The following SNTG2 variants were observed in gnomAD, a reference collection of about 807,000 sequenced individuals.
SNTG2 encodes the protein syntrophin gamma 2.
A neutral mutation model predicts 70.9 loss-of-function variants in SNTG2; 74 were observed. That is an observed-to-expected ratio of 1.04 (90% CI 0.86 to 1.27). The LOEUF (loss-of-function observed/expected upper bound fraction) is 1.27. Ranked by LOEUF, SNTG2 falls within the 50% of genes most tolerant of loss-of-function variation. The pLI, the probability that SNTG2 is intolerant of heterozygous loss-of-function variation, is 0.00. For synonymous variants in SNTG2, 278 were observed against 273.8 expected (o/e 1.02, Z -0.15); for missense variants, 717 against 690.7 (o/e 1.04, Z -0.43).
chr2:1,091,512 C>T (rs149827550), intron 2 of SNTG2, among the ~76,000 whole-genome samples: 169 of 152,242 alleles, frequency 1.1e-3, no homozygotes, highest in Admixed American at 2.4e-3. Flanking sequence ...TCATGGCGGC[C>T]GGGGGCCTGG....
chr2:997,144 CAG>C (rs1238572880), intron 1 of SNTG2, among the ~76,000 whole-genome samples: 2 of 152,108 alleles, frequency 1.3e-5, no homozygotes, highest in Non-Finnish European at 2.9e-5. Flanking sequence ...CACAAATAAA[CAG>C]AATAATTTTA....
chr2:1,349,519 G>A (rs961188254), intron 16 of SNTG2, among the ~76,000 whole-genome samples: 1 of 152,204 alleles, frequency 6.6e-6, no homozygotes, highest in Admixed American at 6.5e-5. Context: ...GGGTAGCTTT[G>A]GGAAGGGGCT....
intron 14 of SNTG2, among the ~76,000 whole-genome samples, chr2:1,294,100 A>C (rs1035282618): frequency 2.6e-5 from 4 of 152,186 alleles, no homozygotes; most frequent in African/African-American, 9.7e-5. Context: ...ATACCCCTGC[A>C]ATCTCACCCT....
At chr2:1,093,029 G>T (rs1313967488) in intron 2 of SNTG2, among the ~76,000 whole-genome samples, 2 of 152,190 alleles carry the variant, frequency 1.3e-5, no homozygotes, top group African/African-American at 2.4e-5. Flanking sequence ...TTCTGTAGAA[G>T]TTTTATGATA....
At chr2:1,035,789 T>A (rs1333383242) in intron 1 of SNTG2, among the ~76,000 whole-genome samples, 1 of 152,224 alleles carries the variant, frequency 6.6e-6, no homozygotes, top group African/African-American at 2.4e-5. Flanking sequence ...TATTTGCATT[T>A]ATCTTCAGTG....
At chr2:1,177,679 A>T (rs1320621285) in intron 8 of SNTG2, among the ~76,000 whole-genome samples, 1 of 148,236 alleles carries the variant, frequency 6.7e-6, no homozygotes, top group African/African-American at 2.6e-5. Flanking sequence ...AAAAGAAAAA[A>T]ATAATATATT....
intron 12 of SNTG2, among the ~76,000 whole-genome samples, chr2:1,255,545 C>A (rs1303826471): frequency 6.6e-6 from 1 of 151,918 alleles, no homozygotes; most frequent in Non-Finnish European, 1.5e-5. Context: ...CAATAAATTG[C>A]TTAAAAATAA....
chr2:1,195,316 T>C (rs982970936), intron 8 of SNTG2, among the ~76,000 whole-genome samples: 2 of 152,112 alleles, frequency 1.3e-5, no homozygotes, highest in African/African-American at 4.8e-5. Flanking sequence ...GTCTTCACAA[T>C]GGTTGAACTA....
At chr2:1,236,863 T>A (rs1676693827) in intron 9 of SNTG2, among the ~76,000 whole-genome samples, 1 of 152,244 alleles carries the variant, frequency 6.6e-6, no homozygotes, top group Admixed American at 6.5e-5. Context: ...ATGTTTGCTT[T>A]GTTCTGTATT....
At chr2:1,149,191 ACG>A (rs552772456) in intron 6 of SNTG2, among the ~76,000 whole-genome samples, 141,748 of 151,716 alleles carry the variant, frequency 0.93, 66,329 homozygotes, top group Non-Finnish European at 0.97. Flanking sequence ...TTCTTGTCGG[ACG>A]TGTGTGTGTG....
At chr2:1,235,969 T>C (rs1241651538) in intron 9 of SNTG2, among the ~76,000 whole-genome samples, 4 of 152,142 alleles carry the variant, frequency 2.6e-5, no homozygotes, top group Admixed American at 6.5e-5. Flanking sequence ...GTCCTGTAGC[T>C]CAATGTAAAA....
At chr2:1,019,096 G>T (rs951603072) in intron 1 of SNTG2, among the ~76,000 whole-genome samples, 4 of 152,220 alleles carry the variant, frequency 2.6e-5, no homozygotes, top group African/African-American at 9.6e-5. Context: ...GCTGTGGAGG[G>T]TGTGAGTTGT....
At chr2:1,276,991 T>C (rs544322648) in intron 14 of SNTG2, among the ~76,000 whole-genome samples, 93 of 152,192 alleles carry the variant, frequency 6.1e-4, no homozygotes, top group Non-Finnish European at 1.0e-3. Context: ...CTGAAGATGA[T>C]TGAATTGCTG....
chr2:1,028,568 C>T (rs1172201286), intron 1 of SNTG2, among the ~76,000 whole-genome samples: 1 of 152,172 alleles, frequency 6.6e-6, no homozygotes, highest in African/African-American at 2.4e-5. Context: ...CAAACCTTCT[C>T]AGCTTTCTCT....
intron 14 of SNTG2, among the ~76,000 whole-genome samples, chr2:1,280,251 A>G (rs1412797886): frequency 6.6e-6 from 1 of 152,212 alleles, no homozygotes; most frequent in Non-Finnish European, 1.5e-5. Flanking sequence ...GAGTAGATTT[A>G]TGGGGTCATT....
chr2:1,057,532 G>C (rs1245997883), intron 1 of SNTG2, among the ~76,000 whole-genome samples: 1 of 152,150 alleles, frequency 6.6e-6, no homozygotes, highest in Non-Finnish European at 1.5e-5. Flanking sequence ...GGAGAAAGAT[G>C]CTAAGCCATT....
intron 1 of SNTG2, among the ~76,000 whole-genome samples, chr2:994,748 A>G (rs1661622007): frequency 1.3e-5 from 2 of 151,920 alleles, no homozygotes; most frequent in Non-Finnish European, 1.5e-5. Context: ...TTTCATTAAC[A>G]ATGATATATA....
In SNTG2 at chr2:1,083,547, T is replaced by G. The variant is rs1290636059; in HGVS notation, c.102T>G (p.Asp34Glu). The change falls in exon 2 of 17, where the codon GAT becomes GAG. Residue 34 changes from aspartate (D) to glutamate (E), a missense_variant. Transcript: ENST00000308624. ...RTKTTIALLYDEESENAYDIR... is the reference protein window; with the variant it reads ...RTKTTIALLYEEESENAYDIR... Reference sequence around the variant, plus strand: ...AAACCACTATTGCTCTGTTGTATGATGAAGAGTCCGAAAATGCCTATGACA... The same window carrying G: ...AAACCACTATTGCTCTGTTGTATGAGGAAGAGTCCGAAAATGCCTATGACA... 6.2e-7 allele frequency: 1 copy of G among 1,613,578 alleles called. No individual in the cohort carries two copies. Among genetic ancestry groups the G allele is most frequent in the Non-Finnish European group, 8.5e-7 (1 of 1,179,708 alleles).
intron 1 of SNTG2, among the ~76,000 whole-genome samples, chr2:1,004,041 G>T (rs1659489289): frequency 1.3e-5 from 2 of 152,166 alleles, no homozygotes; most frequent in Non-Finnish European, 2.9e-5. Flanking sequence ...CAAAGCAGCT[G>T]TGATAAAAGG....
Sources: gnomAD v4.1 joint callset for allele counts (sites outside exome capture counted in the v4.1 genomes callset) on GRCh38, gnomAD v4.1.1 for gene constraint, MANE v1.5 for transcripts, NCBI Gene and HGNC (gene_info 2026-07-23, HGNC 2026-07-21) for gene names.